Variants in SPDL1 observed in about 807,000 individuals in gnomAD.
SPDL1 encodes the protein protein Spindly.
SPDL1 carries 85 observed loss-of-function variants against 79.5 expected under a neutral mutation model. The ratio of observed to expected loss-of-function variants is 1.07; its 90% confidence interval spans 0.90 to 1.28. SPDL1 has a LOEUF of 1.28. Among genes scored for constraint, SPDL1 ranks in the 50% most tolerant of loss-of-function variants. The pLI is 0.00. For missense variants in SPDL1, 703 were observed against 697.8 expected, an observed-to-expected ratio of 1.01 and a Z score of -0.08; for synonymous variants, 269 against 240.3, an observed-to-expected ratio of 1.12 and a Z score of -1.10.
At chr5:169,603,652 A>G (rs372380226) in intron 11 of SPDL1, among the ~76,000 whole-genome samples, 33 of 152,244 alleles carry the variant, frequency 2.2e-4, no homozygotes, top group African/African-American at 7.9e-4. Flanking sequence ...TCAAGAGATC[A>G]AGACCATCCT....
intron 11 of SPDL1, 114 bp from the exon 12 acceptor site, chr5:169,603,946 T>A (rs572826835): frequency 8.6e-7 from 1 of 1,165,290 alleles, no homozygotes; most frequent in African/African-American, 1.6e-5. Context: ...GAGTCAACTA[T>A]ATTTTTTTTC....
chr5:169,598,591 G>A lies in SPDL1; in HGVS notation c.1136+12G>A, dbSNP rs1164170734. 6.3e-7 allele frequency: 1 copy of A among 1,579,724 alleles called. No individual in the cohort carries two copies. Among genetic ancestry groups the A allele is most frequent in the East Asian group, 2.2e-5 (1 of 44,592 alleles). On this transcript the variant is annotated intron_variant, in intron 9 of 11. Transcript: ENST00000265295. ...CTGGATAACTTAAAGTAAGTGTCTGGGTTGGTGGATGGAAAGATGAACATG... is the reference window on the plus strand; with the variant it reads ...CTGGATAACTTAAAGTAAGTGTCTGAGTTGGTGGATGGAAAGATGAACATG...
At chr5:169,597,332 A>G (rs1186500628) in intron 8 of SPDL1, among the ~76,000 whole-genome samples, 2 of 151,968 alleles carry the variant, frequency 1.3e-5, no homozygotes, top group African/African-American at 4.8e-5. Context: ...TAAAAAATCA[A>G]TCTTGATCCC....
chr5:169,595,033 G>A (rs758320613), intron 7 of SPDL1, among the ~76,000 whole-genome samples: 3 of 152,144 alleles, frequency 2.0e-5, no homozygotes, highest in Non-Finnish European at 2.9e-5. Context: ...TCCTACTTCA[G>A]CTGAAACTCG....
chr5:169,603,459 A>T (rs1756035747), intron 11 of SPDL1, among the ~76,000 whole-genome samples: 1 of 152,164 alleles, frequency 6.6e-6, no homozygotes, highest in South Asian at 2.1e-4. Flanking sequence ...TATTGCTGTA[A>T]CATTTCAGTT....
intron 7 of SPDL1, among the ~76,000 whole-genome samples, chr5:169,594,977 AT>A (rs1561872809): frequency 6.6e-6 from 1 of 152,160 alleles, no homozygotes; most frequent in Non-Finnish European, 1.5e-5. Flanking sequence ...AAAAGTATTT[AT>A]TTCTTATTCT....
At chr5:169,603,638 G>A (rs181698775) in intron 11 of SPDL1, among the ~76,000 whole-genome samples, 3 of 152,152 alleles carry the variant, frequency 2.0e-5, no homozygotes, top group East Asian at 3.9e-4. Flanking sequence ...GGTGGATCAC[G>A]AGGTCAAGAG....
chr5:169,593,206 C>G lies in SPDL1; in HGVS notation c.337-148C>G. The G allele has an allele frequency of 6.2e-6, 4 of 646,430 alleles. No homozygotes were observed. The South Asian group carries it at 8.9e-5, about 14-fold the overall frequency. 40.0% of individuals were successfully genotyped at this position (646,430 alleles called of 1,614,324 possible). On this transcript the variant is annotated intron_variant, in intron 3 of 11. Transcript: ENST00000265295. ...TATGTTTATTAAACAAGGTGTGTCA[C>G]TAGCTGTTAAAAGATGCCTAACCTT...
At chr5:169,593,333 C>CTTT in intron 3 of SPDL1, 21 bp from the exon 4 acceptor site, 2 of 1,256,026 alleles carry the variant, frequency 1.6e-6, no homozygotes, top group Non-Finnish European at 2.2e-6. Context: ...CAATTTATGA[C>CTTT]TTTTTTTTTT....
At position 169,601,401 on chromosome 5, in the gene SPDL1, T is replaced by A. The variant is rs747083486; in HGVS notation, c.1446T>A (p.Pro482=). ...GGGGAGAAGTTTATCGATTACCGCC[T>A]CAGAAAGAGGAGACACAGTCCTGCC... ...ALGGEVYRLP[P]QKEETQSCPN... Residue 482 remains proline, a synonymous_variant, in exon 11 of 12, where the codon CCT becomes CCA. Transcript: ENST00000265295. 2 of 1,614,072 alleles carry A rather than the reference T, an allele frequency of 1.2e-6. No homozygotes were observed. The highest frequency in any genetic ancestry group is 4.5e-5 in the East Asian group (2 of 44,876).
rs969136124 is a variant in SPDL1 at position 169,588,394 on chromosome 5, T to C, written c.-23T>C. 3 of 1,586,208 alleles carry C rather than the reference T, an allele frequency of 1.9e-6. No homozygotes were observed. The African/African-American group carries it at 4.1e-5, about 22-fold the overall frequency. ...GTAGTTTTATTTCCTCTATTTACAG[T>C]TGGCTAAAAAAAAGAAAAGAACATG... On this transcript the variant is annotated splice_region_variant and 5_prime_UTR_variant, in exon 2 of 12. Coordinates refer to ENST00000265295, the MANE Select transcript of SPDL1 (RefSeq NM_017785.5).
intron 10 of SPDL1, among the ~76,000 whole-genome samples, chr5:169,599,557 G>A (rs1755776574): frequency 6.6e-6 from 1 of 152,154 alleles, no homozygotes; most frequent in Admixed American, 6.6e-5. Flanking sequence ...TTAAAAAGGT[G>A]GGTCTTTATC....
chr5:169,601,761 T>C, intron 11 of SPDL1, 136 bp downstream of exon 11: 1 of 847,754 alleles, frequency 1.2e-6, no homozygotes, highest in East Asian at 2.6e-5. Context: ...TTCATCTACC[T>C]ACCTTCAACT....
Position 169,591,235 on chromosome 5 carries a change from C to G in SPDL1, c.336+11C>G. ...GAACTAAAAACTAAGGTTGGGATAT[C>G]TGCGTATTTCAGCACAAAATATTCC... On this transcript the variant is annotated intron_variant, in intron 3 of 11. Coordinates refer to ENST00000265295, the MANE Select transcript of SPDL1 (RefSeq NM_017785.5). 3.1e-6 allele frequency: 5 copies of G among 1,606,492 alleles called. No individual in the cohort carries two copies. Among genetic ancestry groups the G allele is most frequent in the Non-Finnish European group, 4.3e-6 (5 of 1,176,216 alleles).
intron 8 of SPDL1, among the ~76,000 whole-genome samples, chr5:169,597,152 C>A (rs545218541): frequency 2.0e-5 from 3 of 152,186 alleles, no homozygotes; most frequent in South Asian, 2.1e-4. Context: ...TTTCCTAGCT[C>A]ACCTGGCCCA....
chr5:169,601,196 C>T, intron 10 of SPDL1, 84 bp from the exon 11 acceptor site: 1 of 1,197,876 alleles, frequency 8.3e-7, no homozygotes, highest in Non-Finnish European at 1.2e-6. Context: ...AAAAGGTATA[C>T]ATATAACTAG....
In SPDL1 at chr5:169,601,480, A is replaced by G. The variant is rs1449714186; in HGVS notation, c.1525A>G (p.Thr509Ala). Residue 509 changes from threonine to alanine, a missense_variant, in exon 11 of 12, where the codon ACA becomes GCA. Physicochemically the swap from Thr to Ala is moderately conservative, Grantham distance 58 (BLOSUM62 0). Coordinates refer to ENST00000265295, the MANE Select transcript of SPDL1 (RefSeq NM_017785.5). ...ATTAGAAAAATCAGTTTCTATATAC[A>G]CACCAGTAGTCAGTCTCTCTCCTCA... ...LQLEKSVSIY[T>A]PVVSLSPHKN... 1 of 1,614,132 alleles carries G rather than the reference A, an allele frequency of 6.2e-7. No individual in the cohort carries two copies. Among genetic ancestry groups the G allele is most frequent in the African/African-American group, 1.3e-5 (1 of 75,042 alleles).
chr5:169,596,689 G>A lies in SPDL1; in HGVS notation c.1020G>A (p.Leu340=). The part of the protein sequence containing the change: ...IKHLLGEIRN[L]EKFKNLYDSM... Reference sequence around the variant, plus strand: ...ATCTTTTAGGTGAAATTAGAAATCTGGAGAAATTTAAGGTATGTATAACAG... The same window carrying A: ...ATCTTTTAGGTGAAATTAGAAATCTAGAGAAATTTAAGGTATGTATAACAG... Residue 340 remains leucine, a synonymous_variant, in exon 8 of 12, where the codon CTG becomes CTA. Transcript: ENST00000265295. 6.3e-7 allele frequency: 1 copy of A among 1,593,790 alleles called. No homozygotes were observed. The highest frequency in any genetic ancestry group is 8.5e-7 in the Non-Finnish European group (1 of 1,174,334).
chr5:169,590,992 T>G (rs1755246098), intron 2 of SPDL1, 56 bp from the exon 3 acceptor site: 1 of 1,397,006 alleles, frequency 7.2e-7, no homozygotes, highest in African/African-American at 1.4e-5. Context: ...ACTGATTGTA[T>G]GTAATGGCTT....
Sources: gnomAD v4.1 joint callset for allele counts (sites outside exome capture counted in the v4.1 genomes callset) on GRCh38, gnomAD v4.1.1 for gene constraint, MANE v1.5 for transcripts, NCBI Gene and HGNC (gene_info 2026-07-23, HGNC 2026-07-21) for gene names.